Variants in IMMP2L observed in about 807,000 individuals in gnomAD.
IMMP2L encodes mitochondrial inner membrane protease subunit 2.
IMMP2L carries 18 observed loss-of-function variants against 19.3 expected under a neutral mutation model. The ratio of observed to expected loss-of-function variants is 0.93; its 90% CI spans 0.64 to 1.38. The LOEUF is 1.38. Among genes scored for constraint, IMMP2L ranks in the 40% most tolerant of loss-of-function variants. The probability of loss-of-function intolerance (pLI) is 0.00; values close to 1 mark genes in which losing one functional copy is unlikely to be tolerated. For synonymous variants in IMMP2L, 76 were observed against 73.0 expected, an observed-to-expected ratio of 1.04 and a Z score of -0.21; for missense variants, 233 against 218.2, an observed-to-expected ratio of 1.07 and a Z score of -0.43.
chr7:110,887,752 TC>T lies in IMMP2L; in HGVS notation c.306-1058del, dbSNP rs201222579. Among the ~76,000 whole-genome samples the T allele has an allele frequency of 6.2e-3, 922 of 148,924 alleles. 17 individuals carry two copies. Among genetic ancestry groups the T allele is most frequent in the African/African-American group, 0.019 (768 of 40,706 alleles). ...GGGGCAGAGACTGCTTTTTTTTTTT[TC>T]TCTCTTTTATCCCCTAAAAAGCTCA... On this transcript the variant is annotated intron_variant, in intron 4 of 5. Transcript: ENST00000405709.
At chr7:111,054,837 G>C (rs906655688) in intron 3 of IMMP2L, among the ~76,000 whole-genome samples, 2 of 152,188 alleles carry the variant, frequency 1.3e-5, no homozygotes, top group South Asian at 2.1e-4. Flanking sequence ...ATGTCTTCCC[G>C]ATGTGATAAA....
At chr7:110,794,578 A>C (rs1362158749) in intron 5 of IMMP2L, among the ~76,000 whole-genome samples, 3 of 152,146 alleles carry the variant, frequency 2.0e-5, no homozygotes, top group Non-Finnish European at 4.4e-5. Context: ...CATTTAGGAT[A>C]TTAAGCTTGG....
At chr7:111,406,936 C>T (rs1833946297) in intron 3 of IMMP2L, among the ~76,000 whole-genome samples, 1 of 152,044 alleles carries the variant, frequency 6.6e-6, no homozygotes, top group Non-Finnish European at 1.5e-5. Context: ...GGAACCTCTG[C>T]AGTGGGTATA....
chr7:110,935,497 G>T (rs1461289894), intron 4 of IMMP2L, among the ~76,000 whole-genome samples: 1 of 152,048 alleles, frequency 6.6e-6, no homozygotes, highest in African/African-American at 2.4e-5. Context: ...TTCTCGAGGA[G>T]TATCTTTGTG....
intron 3 of IMMP2L, among the ~76,000 whole-genome samples, chr7:111,007,932 C>T (rs995307467): frequency 6.6e-6 from 1 of 152,076 alleles, no homozygotes; most frequent in South Asian, 2.1e-4. Context: ...GTATCTCCAT[C>T]CTTCCGGGTT....
intron 5 of IMMP2L, among the ~76,000 whole-genome samples, chr7:110,796,605 T>C (rs1204361651): frequency 2.0e-5 from 3 of 152,050 alleles, no homozygotes; most frequent in African/African-American, 2.4e-5. Flanking sequence ...CACTATATTA[T>C]GTTATTTCAT....
At chr7:111,459,466 TCAAC>T (rs1203673766) in intron 3 of IMMP2L, among the ~76,000 whole-genome samples, 7 of 152,060 alleles carry the variant, frequency 4.6e-5, no homozygotes, top group South Asian at 2.1e-4. Flanking sequence ...AACTAATCAA[TCAAC>T]CAATCAGATC....
At chr7:110,968,307 G>A (rs986999714) in intron 3 of IMMP2L, among the ~76,000 whole-genome samples, 1 of 151,608 alleles carries the variant, frequency 6.6e-6, no homozygotes, top group Non-Finnish European at 1.5e-5. Flanking sequence ...AATAGGAGAC[G>A]TCATATAAAT....
At chr7:111,555,307 C>T (rs1168698573) in intron 1 of IMMP2L, among the ~76,000 whole-genome samples, 1 of 151,928 alleles carries the variant, frequency 6.6e-6, no homozygotes, top group Non-Finnish European at 1.5e-5. Flanking sequence ...AAGGGCCAGA[C>T]GTAGTGAGAG....
intron 5 of IMMP2L, among the ~76,000 whole-genome samples, chr7:110,705,426 AC>A (rs139215920): frequency 0.023 from 3,454 of 152,232 alleles, 111 homozygotes; most frequent in African/African-American, 0.071. Flanking sequence ...GATTTGTCCA[AC>A]CCCTAAGAGG....
At chr7:110,910,435 C>T (rs562980103) in intron 4 of IMMP2L, among the ~76,000 whole-genome samples, 33 of 152,182 alleles carry the variant, frequency 2.2e-4, no homozygotes, top group South Asian at 1.2e-3. Context: ...CAATTCCTAC[C>T]ATGTGGTCAA....
chr7:110,717,821 G>A (rs1406886532), intron 5 of IMMP2L, among the ~76,000 whole-genome samples: 1 of 152,196 alleles, frequency 6.6e-6, no homozygotes, highest in African/African-American at 2.4e-5. Context: ...AAGCAGTGGA[G>A]ATGTTGAAAA....
At chr7:111,540,672 C>T (rs559544634) in intron 1 of IMMP2L, among the ~76,000 whole-genome samples, 3 of 152,170 alleles carry the variant, frequency 2.0e-5, no homozygotes, top group East Asian at 3.9e-4. Flanking sequence ...AGTTGTAAGC[C>T]CCTAAAGGGT....
At chr7:111,071,762 A>G (rs1456474725) in intron 3 of IMMP2L, among the ~76,000 whole-genome samples, 1 of 152,136 alleles carries the variant, frequency 6.6e-6, no homozygotes, top group African/African-American at 2.4e-5. Flanking sequence ...TAATGGGTAC[A>G]GTTTTTTTTT....
chr7:111,110,660 G>C (rs899324151), intron 3 of IMMP2L, among the ~76,000 whole-genome samples: 2 of 152,064 alleles, frequency 1.3e-5, no homozygotes, highest in Admixed American at 6.5e-5. Flanking sequence ...ATAACTTAAA[G>C]TTCAAAGAAT....
chr7:110,914,060 A>G (rs1371388304), intron 4 of IMMP2L, among the ~76,000 whole-genome samples: 1 of 152,178 alleles, frequency 6.6e-6, no homozygotes, highest in East Asian at 1.9e-4. Flanking sequence ...TGAGCACTCA[A>G]AAAAACTGTT....
chr7:111,271,562 T>TAG (rs2130293208), intron 3 of IMMP2L, among the ~76,000 whole-genome samples: 1 of 152,278 alleles, frequency 6.6e-6, no homozygotes, highest in African/African-American at 2.4e-5. Flanking sequence ...GTTTCTGATA[T>TAG]AGAGTAGGTC....
Position 111,562,487 on chromosome 7 carries a change from GA to G in IMMP2L, c.-640del, listed in dbSNP as rs1792215814. 1 of 151,586 alleles carries G rather than the reference GA, an allele frequency of 6.6e-6. No individual in the cohort carries two copies. Among genetic ancestry groups the G allele is most frequent in the South Asian group, 2.1e-4 (1 of 4,848 alleles). The allele number at this position is 151,586 out of a possible 1,614,324, so 9.4% of individuals were successfully genotyped here. A position where few individuals can be genotyped will look rare whatever the true frequency, so the allele number is the denominator to read the frequency against. Reference sequence around the variant, plus strand: ...ACCCGCTGCGCAGCTCAGCCCGGGGGAAGTCCCCGCGCAGACCCCGCCCTCC... The same window carrying G: ...ACCCGCTGCGCAGCTCAGCCCGGGGGAGTCCCCGCGCAGACCCCGCCCTCC... On this transcript the variant is annotated 5_prime_UTR_variant, in exon 1 of 6. Transcript: ENST00000405709.
rs1313836003 is a variant in IMMP2L at position 110,877,553 on chromosome 7, A to AG, written c.408+9039dup. On this transcript the variant is annotated intron_variant, in intron 5 of 5. Transcript: ENST00000405709. The surrounding 1 kb of genome is among the most constrained non-coding windows in gnomAD (Gnocchi z 4.0). ...AAATGGTGAATTTATGGAATGATCA[A>AG]GGCATAGGCAGGTAAGACGGATCTG... 6.6e-6 allele frequency among the ~76,000 whole-genome samples: 1 copy of AG among 152,262 alleles called. No homozygotes were observed.
Sources: allele counts gnomAD v4.1 joint callset (sites outside exome capture counted in the v4.1 genomes callset), GRCh38; gene constraint gnomAD v4.1.1; non-coding constraint Gnocchi (gnomAD v3.1); transcripts MANE v1.5; gene names NCBI Gene and HGNC (gene_info 2026-07-23, HGNC 2026-07-21).